Variants in OSBPL9 observed in about 807,000 individuals in gnomAD.
The protein encoded by OSBPL9 is oxysterol binding protein like 9.
In OSBPL9, 40 loss-of-function variants were observed where a neutral mutation model predicts 106.6. That is an observed-to-expected ratio of 0.38 (90% CI 0.29 to 0.49). The LOEUF (loss-of-function observed/expected upper bound fraction) is 0.49, where lower values mean the gene tolerates loss of function less well. Among genes scored for constraint, OSBPL9 ranks in the 20% least tolerant of loss-of-function variants. OSBPL9 has a pLI of 0.97. For synonymous variants in OSBPL9, 269 were observed against 295.4 expected, an observed-to-expected ratio of 0.91 and a Z score of 0.92; for missense variants, 609 against 887.2, an observed-to-expected ratio of 0.69 and a Z score of 3.98.
intron 4 of OSBPL9, among the ~76,000 whole-genome samples, chr1:51,724,428 C>T (rs780645110): frequency 5.3e-5 from 8 of 151,938 alleles, no homozygotes; most frequent in Non-Finnish European, 8.8e-5. Flanking sequence ...AGATTACAGG[C>T]GCCCACCACC....
chr1:51,619,102 C>T (rs1006107347), intron 1 of OSBPL9, among the ~76,000 whole-genome samples: 1 of 152,120 alleles, frequency 6.6e-6, no homozygotes, highest in Non-Finnish European at 1.5e-5. Flanking sequence ...GTCCTGAAAA[C>T]TCTGGAATTA....
At chr1:51,640,072 T>C (rs1645694507) in intron 1 of OSBPL9, among the ~76,000 whole-genome samples, 1 of 152,038 alleles carries the variant, frequency 6.6e-6, no homozygotes. Context: ...GCTCAAGCAA[T>C]CCTCCCACTT....
chr1:51,721,757 AG>A (rs1304134697), intron 4 of OSBPL9, among the ~76,000 whole-genome samples: 1 of 152,214 alleles, frequency 6.6e-6, no homozygotes, highest in African/African-American at 2.4e-5. Flanking sequence ...GTAGAAAAAT[AG>A]GTGTATTCGT....
chr1:51,740,382 G>T (rs1278767367), intron 4 of OSBPL9, among the ~76,000 whole-genome samples: 1 of 151,732 alleles, frequency 6.6e-6, no homozygotes, highest in African/African-American at 2.4e-5. Flanking sequence ...TATAGGGTAT[G>T]TGTTTTACTA....
intron 2 of OSBPL9, among the ~76,000 whole-genome samples, chr1:51,602,015 G>GTCCTTTTTTT (rs1557581345): frequency 3.1e-4 from 5 of 16,318 alleles, no homozygotes; most frequent in African/African-American, 1.0e-3. Context: ...CATTCTTGGG[G>GTCCTTTTTTT]TTCTTTTTTT....
chr1:51,603,141 T>G (rs1045171983), intron 2 of OSBPL9, among the ~76,000 whole-genome samples: 4 of 152,124 alleles, frequency 2.6e-5, no homozygotes, highest in Admixed American at 2.6e-4. Flanking sequence ...GGCAACAGAG[T>G]GAGACCCTGT....
At chr1:51,784,834 G>T in intron 20 of OSBPL9, 1 of 486,548 alleles carries the variant, frequency 2.1e-6, no homozygotes, top group Non-Finnish European at 3.6e-6. Context: ...AACTAAAAGA[G>T]GCCTTCCTAG....
intron 1 of OSBPL9, among the ~76,000 whole-genome samples, chr1:51,588,026 A>G (rs1645254587): frequency 6.6e-6 from 1 of 152,054 alleles, no homozygotes; most frequent in African/African-American, 2.4e-5. Context: ...CTCATCACTG[A>G]AAGAGTGAAT....
chr1:51,692,476 G>A (rs1655162381), intron 3 of OSBPL9, among the ~76,000 whole-genome samples: 1 of 152,070 alleles, frequency 6.6e-6, no homozygotes, highest in African/African-American at 2.4e-5. Context: ...GTTTACACCA[G>A]CATTGCCACA....
chr1:51,548,613 C>T, the OSBPL9 span, among the ~76,000 whole-genome samples: 1 of 152,136 alleles, frequency 6.6e-6, no homozygotes, highest in South Asian at 2.1e-4. Context: ...TGGTCTAGAA[C>T]TCCTGGGCTC....
intron 4 of OSBPL9, among the ~76,000 whole-genome samples, chr1:51,737,243 T>C (rs887373144): frequency 2.6e-5 from 4 of 152,080 alleles, no homozygotes; most frequent in African/African-American, 9.7e-5. Context: ...GATTTACTCC[T>C]GGAAAACATT....
At chr1:51,777,059 C>T (rs1675249484) in intron 15 of OSBPL9, 141 bp downstream of exon 15, 1 of 643,292 alleles carries the variant, frequency 1.6e-6, no homozygotes, top group Non-Finnish European at 2.7e-6. Context: ...AATGTGTTTA[C>T]ACTGGTTGCC....
intron 10 of OSBPL9, among the ~76,000 whole-genome samples, chr1:51,761,137 A>C (rs979470984): frequency 1.3e-5 from 2 of 152,136 alleles, no homozygotes; most frequent in African/African-American, 2.4e-5. Flanking sequence ...GTTTTGGGGT[A>C]TTCTGTGTAG....
chr1:51,786,127 C>T, intron 21 of OSBPL9: 1 of 518,550 alleles, frequency 1.9e-6, no homozygotes, highest in Non-Finnish European at 3.4e-6. Flanking sequence ...TCTCTGCTCT[C>T]AAAACACTTG....
intron 1 of OSBPL9, among the ~76,000 whole-genome samples, chr1:51,590,517 G>A (rs1355284772): frequency 6.6e-6 from 1 of 151,290 alleles, no homozygotes; most frequent in African/African-American, 2.4e-5. Context: ...CTACTCGGGA[G>A]GCTGAGGCAG....
At chr1:51,622,192 G>T (rs2148628321) in intron 1 of OSBPL9, among the ~76,000 whole-genome samples, 1 of 152,312 alleles carries the variant, frequency 6.6e-6, no homozygotes, top group Admixed American at 6.5e-5. Flanking sequence ...TTGGGGGAGA[G>T]AAGTGGTTGC....
At chr1:51,632,507 G>A (rs1451772747) in intron 1 of OSBPL9, among the ~76,000 whole-genome samples, 2 of 120,954 alleles carry the variant, frequency 1.7e-5, no homozygotes, top group African/African-American at 6.5e-5. Context: ...TGATAAACCT[G>A]TTATCACTAG....
At chr1:51,624,098 G>T (rs112530722) in intron 1 of OSBPL9, among the ~76,000 whole-genome samples, 4,816 of 151,504 alleles carry the variant, frequency 0.032, 153 homozygotes, top group Middle Eastern at 0.089. Context: ...TGTATTTTTA[G>T]TAGAGACGAG....
intron 1 of OSBPL9, among the ~76,000 whole-genome samples, chr1:51,577,910 A>G (rs1174593387): frequency 2.0e-5 from 3 of 152,222 alleles, no homozygotes; most frequent in Non-Finnish European, 4.4e-5. Flanking sequence ...TAACTTCTTT[A>G]TATGACTTCC....
Sources: allele counts gnomAD v4.1 joint callset (sites outside exome capture counted in the v4.1 genomes callset), GRCh38; gene constraint gnomAD v4.1.1; transcripts MANE v1.5; gene names NCBI Gene and HGNC (gene_info 2026-07-23, HGNC 2026-07-21).